The following CRISP3 variants were observed in gnomAD, a reference collection of about 807,000 sequenced individuals.
CRISP3 encodes cysteine rich secretory protein 3.
In CRISP3, 33 loss-of-function variants were observed where a neutral mutation model predicts 36.1. That is an observed-to-expected ratio of 0.91 (90% CI 0.69 to 1.22). The LOEUF (loss-of-function observed/expected upper bound fraction) is 1.22. CRISP3 is among the 50% of genes most tolerant of loss of function. The pLI, the probability that CRISP3 is intolerant of heterozygous loss-of-function variation, is 0.00. For missense variants in CRISP3, 330 were observed against 301.2 expected, an observed-to-expected ratio of 1.10 and a Z score of -0.71; for synonymous variants, 117 against 104.6, an observed-to-expected ratio of 1.12 and a Z score of -0.72.
At chr6:49,736,023 G>A (rs891976332) in intron 3 of CRISP3, among the ~76,000 whole-genome samples, 1 of 152,018 alleles carries the variant, frequency 6.6e-6, no homozygotes, top group African/African-American at 2.4e-5. Flanking sequence ...CTTTGGTACA[G>A]GGCCCAGAAA....
intron 1 of CRISP3, among the ~76,000 whole-genome samples, chr6:49,741,165 C>CA: frequency 1.1e-5 from 1 of 88,300 alleles, no homozygotes; most frequent in Non-Finnish European, 2.5e-5. Context: ...AAAAAAAAAA[C>CA]AAAAAACGAA....
At position 49,727,630 on chromosome 6, in the gene CRISP3, A is replaced by G. The variant is rs1768798586; in HGVS notation, c.*1100T>C. 6.6e-6 allele frequency: 1 copy of G among 152,150 alleles called. No homozygotes were observed. The highest frequency in any genetic ancestry group is 6.5e-5 in the Admixed American group (1 of 15,280). 9.4% of individuals were successfully genotyped at this position (152,150 alleles called of 1,614,324 possible). Reference sequence around the variant, plus strand: ...TGTTCCAGGATCTGATCCAAGAAGCACATTGCATTTGGCTCACATGTCTCC... The same window carrying G: ...TGTTCCAGGATCTGATCCAAGAAGCGCATTGCATTTGGCTCACATGTCTCC... On this transcript the variant is annotated 3_prime_UTR_variant, in exon 8 of 8. Coordinates refer to ENST00000263045, the MANE Select transcript of CRISP3 (RefSeq NM_006061.4).
chr6:49,733,579 G>T, intron 5 of CRISP3, 124 bp downstream of exon 5: 1 of 947,374 alleles, frequency 1.1e-6, no homozygotes, highest in Non-Finnish European at 1.5e-6. Context: ...CTCACCAAAT[G>T]CCAGACTATT....
At chr6:49,742,951 T>G (rs1769245195) in intron 1 of CRISP3, among the ~76,000 whole-genome samples, 1 of 152,208 alleles carries the variant, frequency 6.6e-6, no homozygotes, top group South Asian at 2.1e-4. Flanking sequence ...TAGACACATT[T>G]ATAAACTAGT....
chr6:49,734,724 G>A (rs9473646), intron 4 of CRISP3, among the ~76,000 whole-genome samples: 61,416 of 151,698 alleles, frequency 0.4, 12,993 homozygotes, highest in Admixed American at 0.54. Flanking sequence ...CAAAAATATA[G>A]ATAACAGTGG....
At chr6:49,733,577 A>T (rs899399541) in intron 5 of CRISP3, 126 bp downstream of exon 5, 1 of 935,242 alleles carries the variant, frequency 1.1e-6, no homozygotes, top group Non-Finnish European at 1.6e-6. Context: ...TACTCACCAA[A>T]TGCCAGACTA....
intron 1 of CRISP3, 124 bp from the exon 2 acceptor site, chr6:49,737,522 AG>A (rs1295477239): frequency 5.1e-6 from 5 of 975,168 alleles, no homozygotes; most frequent in Non-Finnish European, 7.9e-6. Flanking sequence ...TTAATGTAAC[AG>A]GAGAAGACTT....
At chr6:49,736,232 T>A (rs1769047428) in intron 3 of CRISP3, among the ~76,000 whole-genome samples, 159 bp downstream of exon 3, 1 of 152,062 alleles carries the variant, frequency 6.6e-6, no homozygotes, top group Non-Finnish European at 1.5e-5. Flanking sequence ...TAAAGAGAAG[T>A]TAAGAAATTC....
rs1178624239 is a variant in CRISP3 at position 49,727,832 on chromosome 6, A to T, written c.*898T>A. The T allele has an allele frequency of 6.6e-6, 1 of 152,184 alleles. No individual in the cohort carries two copies. Among genetic ancestry groups the T allele is most frequent in the Non-Finnish European group, 1.5e-5 (1 of 68,004 alleles). The allele number at this position is 152,184 out of a possible 1,614,324, so 9.4% of individuals were successfully genotyped here. On this transcript the variant is annotated 3_prime_UTR_variant, in exon 8 of 8. Coordinates refer to ENST00000263045, the MANE Select transcript of CRISP3 (RefSeq NM_006061.4). Reference sequence around the variant, plus strand: ...GGGATTATGAATTTTTAGAAAGATTATCTAGAACAAATCTGAATGACTTAT... The same window carrying T: ...GGGATTATGAATTTTTAGAAAGATTTTCTAGAACAAATCTGAATGACTTAT...
intron 1 of CRISP3, among the ~76,000 whole-genome samples, chr6:49,739,637 G>T (rs1027351963): frequency 6.6e-5 from 10 of 152,076 alleles, no homozygotes; most frequent in African/African-American, 2.4e-4. Context: ...ACAGAGAGTC[G>T]CTGTAATATT....
At chr6:49,732,944 A>C (rs1172869488) in intron 6 of CRISP3, among the ~76,000 whole-genome samples, 1 of 152,192 alleles carries the variant, frequency 6.6e-6, no homozygotes, top group Non-Finnish European at 1.5e-5. Flanking sequence ...TGAGCATAGC[A>C]AAAGGCAATT....
At position 49,733,707 on chromosome 6, in the gene CRISP3, G is replaced by A. The variant is rs1269513936; in HGVS notation, c.458C>T (p.Thr153Ile). The A allele has an allele frequency of 6.2e-7, 1 of 1,612,350 alleles. No homozygotes were observed. The highest frequency in any genetic ancestry group is 2.2e-5 in the East Asian group (1 of 44,816). The change falls in exon 5 of 8, where the codon ACA becomes ATA. Residue 153 changes from threonine (T) to isoleucine (I), a missense_variant. Thr to Ile is a moderately conservative substitution (Grantham distance 89). Coordinates refer to ENST00000263045, the MANE Select transcript of CRISP3 (RefSeq NM_006061.4). ...TTTTTCATTTCTTCTCCTTACCTGT[G>A]TATAATGTCCAACCACTGCGTTGGG... The part of the protein sequence containing the change: ...KTPNAVVGHY[T>I]QVVWYSSYLV...
At chr6:49,730,913 G>A (rs1156354388) in intron 7 of CRISP3, among the ~76,000 whole-genome samples, 5 of 152,142 alleles carry the variant, frequency 3.3e-5, no homozygotes, top group Non-Finnish European at 5.9e-5. Flanking sequence ...GTGGTGGCAC[G>A]TGCCTGTAGT....
Position 49,731,196 on chromosome 6 carries a change from T to C in CRISP3, c.616A>G (p.Ser206Gly), listed in dbSNP as rs1768907922. Residue 206 changes from serine to glycine, a missense_variant, in exon 7 of 8, where the codon AGT becomes GGT. Ser to Gly is a moderately conservative substitution (Grantham distance 56). Coordinates refer to ENST00000263045, the MANE Select transcript of CRISP3 (RefSeq NM_006061.4). ...CCATCGTCACAGTTATCTGGGCAAC[T>C]GGCACAAGGTGCTCCTTGTTCATAA... ...VPYEQGAPCA[S>G]CPDNCDDGLC... is the part of the protein sequence containing the mutation. 19 of 1,611,752 alleles carry C rather than the reference T, an allele frequency of 1.2e-5. No homozygotes were observed. Among genetic ancestry groups the C allele is most frequent in the Non-Finnish European group, 1.4e-5 (17 of 1,178,786 alleles).
At chr6:49,741,093 CA>C (rs1213027774) in intron 1 of CRISP3, among the ~76,000 whole-genome samples, 1 of 72,672 alleles carries the variant, frequency 1.4e-5, no homozygotes, top group African/African-American at 5.1e-5. Flanking sequence ...GACTCCGTCT[CA>C]AAAAAAACAA....
At chr6:49,743,017 A>G (rs1769247033) in intron 1 of CRISP3, among the ~76,000 whole-genome samples, 1 of 152,214 alleles carries the variant, frequency 6.6e-6, no homozygotes, top group African/African-American at 2.4e-5. Context: ...TTAATAGTTA[A>G]TCTTTATTCT....
chr6:49,733,553 G>A, intron 5 of CRISP3, 150 bp downstream of exon 5: 1 of 776,780 alleles, frequency 1.3e-6, no homozygotes, highest in Admixed American at 3.0e-5. Flanking sequence ...AAAAATGACA[G>A]TTCACAGCTG....
intron 1 of CRISP3, among the ~76,000 whole-genome samples, chr6:49,740,893 A>G (rs1394836522): frequency 1.3e-5 from 2 of 151,958 alleles, no homozygotes; most frequent in Non-Finnish European, 2.9e-5. Flanking sequence ...CGAGGTCAAG[A>G]GATCGAGACC....
chr6:49,744,236 T>C, intron 1 of CRISP3, 95 bp downstream of exon 1: 1 of 855,002 alleles, frequency 1.2e-6, no homozygotes, highest in Non-Finnish European at 1.7e-6. Flanking sequence ...AGATAAAATA[T>C]ACGAATATAT....
Sources: gnomAD v4.1 joint callset for allele counts (sites outside exome capture counted in the v4.1 genomes callset) on GRCh38, gnomAD v4.1.1 for gene constraint, MANE v1.5 for transcripts, NCBI Gene and HGNC (gene_info 2026-07-23, HGNC 2026-07-21) for gene names.